The following FAM171A1 variants were observed in gnomAD, a reference collection of about 807,000 sequenced individuals.
FAM171A1 encodes protein FAM171A1.
In FAM171A1, 23 loss-of-function variants were observed where a neutral mutation model predicts 74.9. That is an observed-to-expected ratio of 0.31 (90% CI 0.22 to 0.44). The LOEUF (loss-of-function observed/expected upper bound fraction) is 0.44. Among genes scored for constraint, FAM171A1 ranks in the 20% least tolerant of loss-of-function variants. FAM171A1 has a pLI of 1.00. For synonymous variants in FAM171A1, 527 were observed against 505.7 expected (o/e 1.04, Z -0.57); for missense variants, 1,162 against 1,159.2 (o/e 1.00, Z -0.03).
At chr10:15,275,159 A>T (rs1000843578) in intron 3 of FAM171A1, among the ~76,000 whole-genome samples, 3 of 152,156 alleles carry the variant, frequency 2.0e-5, no homozygotes, top group Non-Finnish European at 4.4e-5. Context: ...GTAAATGACG[A>T]GTTAATGGGT....
chr10:15,346,479 T>C (rs1835818462), intron 1 of FAM171A1, among the ~76,000 whole-genome samples: 1 of 152,196 alleles, frequency 6.6e-6, no homozygotes, highest in African/African-American at 2.4e-5. Flanking sequence ...AAAATGATTA[T>C]ACAGCTCCCG....
chr10:15,289,645 C>T (rs949500866), intron 1 of FAM171A1, among the ~76,000 whole-genome samples: 3 of 152,224 alleles, frequency 2.0e-5, no homozygotes, highest in Non-Finnish European at 2.9e-5. Flanking sequence ...ATCCAATACA[C>T]TCAGCTGACC....
intron 4 of FAM171A1, among the ~76,000 whole-genome samples, chr10:15,251,710 C>T (rs533528666): frequency 6.6e-6 from 1 of 152,076 alleles, no homozygotes; most frequent in Non-Finnish European, 1.5e-5. Flanking sequence ...TCGCGCCTGG[C>T]CTATTCTGCA....
chr10:15,268,147 A>C (rs2131788004), intron 3 of FAM171A1, among the ~76,000 whole-genome samples: 1 of 152,290 alleles, frequency 6.6e-6, no homozygotes, highest in African/African-American at 2.4e-5. Flanking sequence ...CAACCACAGA[A>C]GCCACCAGAG....
At chr10:15,343,663 C>T (rs532867173) in intron 1 of FAM171A1, among the ~76,000 whole-genome samples, 4 of 152,144 alleles carry the variant, frequency 2.6e-5, no homozygotes, top group East Asian at 1.9e-4. Context: ...ATATGTCATC[C>T]GTGAGGACAT....
At chr10:15,352,078 C>CAA (rs35033407) in intron 1 of FAM171A1, among the ~76,000 whole-genome samples, 11,652 of 116,296 alleles carry the variant, frequency 0.1, 547 homozygotes, top group Non-Finnish European at 0.14. Context: ...TGTAAAAATA[C>CAA]AAAAAAAAAA....
intron 1 of FAM171A1, among the ~76,000 whole-genome samples, chr10:15,349,428 A>G (rs958987163): frequency 6.6e-6 from 1 of 152,238 alleles, no homozygotes; most frequent in Non-Finnish European, 1.5e-5. Flanking sequence ...CACTTAAAAC[A>G]GGCTCTTCCC....
chr10:15,372,380 A>T (rs1446747198), upstream of FAM171A1, among the ~76,000 whole-genome samples: 1 of 152,160 alleles, frequency 6.6e-6, no homozygotes. Flanking sequence ...TCTGACCCCA[A>T]AATTGAAACT....
At chr10:15,306,613 G>A (rs548031561) in intron 1 of FAM171A1, among the ~76,000 whole-genome samples, 46 of 152,190 alleles carry the variant, frequency 3.0e-4, no homozygotes, top group Middle Eastern at 3.4e-3. Context: ...TGATCCACCC[G>A]CCTCAGCCTC....
intron 3 of FAM171A1, among the ~76,000 whole-genome samples, chr10:15,263,855 CTATCTATCTATCT>C (rs1564626693): frequency 2.4e-4 from 3 of 12,468 alleles, no homozygotes; most frequent in Middle Eastern, 0.038. Flanking sequence ...TCTCATCTAT[CTATCTATCTATCT>C]ATCTATCTAT....
chr10:15,238,392 T>G (rs537277960), intron 5 of FAM171A1, among the ~76,000 whole-genome samples: 4 of 152,228 alleles, frequency 2.6e-5, no homozygotes, highest in African/African-American at 9.6e-5. Context: ...TTCGCTACAA[T>G]TGATGAGCCT....
chr10:15,292,756 G>T (rs534006017), intron 1 of FAM171A1, among the ~76,000 whole-genome samples: 3 of 152,142 alleles, frequency 2.0e-5, no homozygotes, highest in Non-Finnish European at 2.9e-5. Context: ...AACATGCTGG[G>T]ATTACAGGGG....
At chr10:15,355,263 C>T (rs777367593) in intron 1 of FAM171A1, among the ~76,000 whole-genome samples, 7 of 152,098 alleles carry the variant, frequency 4.6e-5, no homozygotes, top group Non-Finnish European at 7.4e-5. Flanking sequence ...TTTGTAGAGA[C>T]GGGGTCTCAA....
intron 1 of FAM171A1, among the ~76,000 whole-genome samples, chr10:15,284,807 G>A (rs1199320823): frequency 2.6e-5 from 4 of 152,098 alleles, no homozygotes; most frequent in Non-Finnish European, 5.9e-5. Flanking sequence ...CTAGTCCTGG[G>A]AAATGTGGCA....
In FAM171A1 at chr10:15,214,558, G is replaced by A. The variant is rs1419369608; in HGVS notation, c.1030C>T (p.Leu344Phe). The change falls in exon 8 of 8, where the codon CTC becomes TTC. Residue 344 changes from leucine to phenylalanine, a missense_variant. Coordinates refer to ENST00000378116, the MANE Select transcript of FAM171A1 (RefSeq NM_001010924.2). Reference protein sequence around the residue: ...KPRQHHRKLQLPAGLESSKRD... With the variant: ...KPRQHHRKLQFPAGLESSKRD... The stretch of plus-strand genomic sequence containing the variant: ...TTGGAACTCTCCAGTCCTGCAGGGA[G>A]CTGCAGTTTTCTGTGGTGCTGACGA... The A allele has an allele frequency of 6.2e-7, 1 of 1,612,580 alleles. No homozygotes were observed. Among genetic ancestry groups the A allele is most frequent in the Non-Finnish European group, 8.5e-7 (1 of 1,179,410 alleles).
intron 3 of FAM171A1, among the ~76,000 whole-genome samples, chr10:15,257,968 C>CCCCA (rs1834602331): frequency 6.6e-6 from 1 of 152,174 alleles, no homozygotes; most frequent in Admixed American, 6.5e-5. Flanking sequence ...GCCTGTAGGG[C>CCCCA]TCCATCCCCA....
intron 1 of FAM171A1, among the ~76,000 whole-genome samples, chr10:15,352,463 C>T (rs1203716955): frequency 2.0e-5 from 3 of 152,124 alleles, no homozygotes; most frequent in Admixed American, 6.5e-5. Context: ...GTAGCTCCTC[C>T]CTCATGTTTA....
intron 1 of FAM171A1, among the ~76,000 whole-genome samples, chr10:15,342,002 G>C (rs1340141401): frequency 2.0e-5 from 3 of 152,180 alleles, no homozygotes; most frequent in Admixed American, 1.3e-4. Context: ...CTGGATTCCA[G>C]AGCTCCTGAT....
intron 1 of FAM171A1, among the ~76,000 whole-genome samples, chr10:15,288,099 T>G (rs934413261): frequency 6.6e-6 from 1 of 152,230 alleles, no homozygotes; most frequent in Non-Finnish European, 1.5e-5. Flanking sequence ...ATTATTTCAT[T>G]CCTTTCATGG....
Sources: gnomAD v4.1 joint callset for allele counts (sites outside exome capture counted in the v4.1 genomes callset) on GRCh38, gnomAD v4.1.1 for gene constraint, MANE v1.5 for transcripts, NCBI Gene and HGNC (gene_info 2026-07-23, HGNC 2026-07-21) for gene names.